Variants in TRPV3 observed in about 807,000 individuals in gnomAD.
TRPV3 encodes VRL-3.
A neutral mutation model predicts 87.1 loss-of-function variants in TRPV3; 88 were observed. The ratio of observed to expected loss-of-function variants is 1.01; its 90% CI spans 0.85 to 1.21. The LOEUF is 1.21. Among genes scored for constraint, TRPV3 ranks in the 50% most tolerant of loss-of-function variants. TRPV3 has a pLI of 0.00. For missense variants in TRPV3, 1,054 were observed against 1,030.1 expected (o/e 1.02, Z -0.32); for synonymous variants, 438 against 423.3 (o/e 1.03, Z -0.43).
rs919545246 is a variant in TRPV3 at position 3,556,718 on chromosome 17, G to A, written c.-3+958C>T. Among the ~76,000 whole-genome samples, 40 of 152,180 alleles carry A rather than the reference G, an allele frequency of 2.6e-4. No individual in the cohort carries two copies. Among genetic ancestry groups the A allele is most frequent in the African/African-American group, 5.1e-4 (21 of 41,444 alleles). Reference sequence around the variant, plus strand: ...CGAGGGAGAGCTTTGGCCCTGGAGCGTAGGCAACCTTGAGGCCAGGCAGGT... The same window carrying A: ...CGAGGGAGAGCTTTGGCCCTGGAGCATAGGCAACCTTGAGGCCAGGCAGGT... On this transcript the variant is annotated intron_variant, in intron 1 of 17. Coordinates refer to ENST00000576742, the MANE Select transcript of TRPV3 (RefSeq NM_145068.4). This position sits in a 1 kb window ranked among gnomAD's most constrained non-coding sequence, Gnocchi z 4.2.
At position 3,519,413 on chromosome 17, in the gene TRPV3, G is replaced by A. The variant is rs1419739600; in HGVS notation, c.1811-563C>T. Among the ~76,000 whole-genome samples, 361 of 139,914 alleles carry A rather than the reference G, an allele frequency of 2.6e-3. 6 individuals carry two copies. The highest frequency in any genetic ancestry group is 0.01 in the African/African-American group (341 of 33,892). 91.8% of individuals were successfully genotyped at this position (139,914 alleles called of 152,430 possible). The stretch of plus-strand genomic sequence containing the variant: ...AGATGGAGGGATGGATGGATGGATG[G>A]ATGGATGATTGGATGGATGGATGGA... On this transcript the variant is annotated intron_variant, in intron 14 of 17. Coordinates refer to ENST00000576742, the MANE Select transcript of TRPV3 (RefSeq NM_145068.4).
At position 3,514,680 on chromosome 17, in the gene TRPV3, T is replaced by C; in HGVS notation, c.2199-8A>G. 1 of 1,609,702 alleles carries C rather than the reference T, an allele frequency of 6.2e-7. No individual in the cohort carries two copies. Among genetic ancestry groups the C allele is most frequent in the Non-Finnish European group, 8.5e-7 (1 of 1,176,154 alleles). On this transcript the variant is annotated splice_region_variant and splice_polypyrimidine_tract_variant and intron_variant, in intron 16 of 17. Transcript: ENST00000576742. ...CACTTCACCTCATTGATCCTGCAAATGTGATAATCATTCTTACTATTTCAC... is the reference window on the plus strand; with the variant it reads ...CACTTCACCTCATTGATCCTGCAAACGTGATAATCATTCTTACTATTTCAC...
Position 3,525,552 on chromosome 17 carries a change from T to C in TRPV3, c.1578-1189A>G, listed in dbSNP as rs566563717. On this transcript the variant is annotated intron_variant, in intron 12 of 17. Coordinates refer to ENST00000576742, the MANE Select transcript of TRPV3 (RefSeq NM_145068.4). The stretch of plus-strand genomic sequence containing the variant: ...CCAACAACATGAATGTACTTCACAG[T>C]ATTGATTTCTACGCTTAAAAAATGG... Among the ~76,000 whole-genome samples the C allele has an allele frequency of 5.1e-4, 77 of 152,230 alleles. 1 individual carries two copies. The highest frequency in any genetic ancestry group is 8.2e-4 in the Non-Finnish European group (56 of 68,008).
At position 3,532,912 on chromosome 17, in the gene TRPV3, T is replaced by C; in HGVS notation, c.810A>G (p.Ala270=). The part of the protein sequence containing the change: ...YFGETPLALA[A]CTNQPEIVQL... Reference sequence around the variant, plus strand: ...GCACAATCTCGGGCTGGTTGGTGCATGCTGCCAGGGCCAGGGGCGTCTCAC... The same window carrying C: ...GCACAATCTCGGGCTGGTTGGTGCACGCTGCCAGGGCCAGGGGCGTCTCAC... Residue 270 remains alanine, a synonymous_variant, in exon 8 of 18, where the codon GCA becomes GCG. Transcript: ENST00000576742. The C allele has an allele frequency of 1.9e-6, 3 of 1,614,144 alleles. No homozygotes were observed. Among genetic ancestry groups the C allele is most frequent in the South Asian group, 2.2e-5 (2 of 91,078 alleles).
intron 6 of TRPV3, 94 bp from the exon 7 acceptor site, chr17:3,535,807 C>A (rs546307020): frequency 1.5e-6 from 2 of 1,337,256 alleles, no homozygotes; most frequent in East Asian, 3.0e-5. Flanking sequence ...CCCGAACCCA[C>A]GGGGAGATCA....
At chr17:3,547,971 T>A (rs922398276) in intron 2 of TRPV3, among the ~76,000 whole-genome samples, 1 of 152,208 alleles carries the variant, frequency 6.6e-6, no homozygotes, top group Admixed American at 6.5e-5. Flanking sequence ...AAGAGCCTTC[T>A]GGCTGACGAC....
intron 2 of TRPV3, among the ~76,000 whole-genome samples, chr17:3,545,605 C>T (rs1407748892): frequency 6.6e-6 from 1 of 151,876 alleles, no homozygotes; most frequent in Non-Finnish European, 1.5e-5. Context: ...GATCTGTGGC[C>T]CACACTTCCT....
rs1320487713 is a variant in TRPV3, at chr17:3,530,500, G to A, written c.1066-297C>T. Among the ~76,000 whole-genome samples the A allele has an allele frequency of 6.6e-6, 1 of 151,196 alleles. No individual in the cohort carries two copies. The highest frequency in any genetic ancestry group is 6.6e-5 in the Admixed American group (1 of 15,192). On this transcript the variant is annotated intron_variant, in intron 8 of 17. Transcript: ENST00000576742. This position sits in a 1 kb window ranked among gnomAD's most constrained non-coding sequence, Gnocchi z 4.0. ...AGCTTGAAATGCCTCACGCCAGCTG[G>A]GGACCCGGTTCGGTGAAAAATCCAG...
At chr17:3,543,695 G>T (rs1031182673) in intron 4 of TRPV3, 67 bp from the exon 5 acceptor site, 26 of 1,589,140 alleles carry the variant, frequency 1.6e-5, no homozygotes, top group Non-Finnish European at 1.5e-5. Flanking sequence ...CCTTTTCCCC[G>T]CCAGAGCTGC....
intron 15 of TRPV3, 111 bp from the exon 16 acceptor site, chr17:3,516,680 G>A (rs2074186351): frequency 2.6e-6 from 2 of 762,180 alleles, no homozygotes; most frequent in Non-Finnish European, 4.6e-6. Flanking sequence ...TTAATGCATA[G>A]ATCGCAAGGG....
chr17:3,540,092 T>TAAATAAATAAAC (rs1555545584), intron 6 of TRPV3, among the ~76,000 whole-genome samples: 1,748 of 150,812 alleles, frequency 0.012, 44 homozygotes, highest in African/African-American at 0.041. Flanking sequence ...AATAAATAAA[T>TAAATAAATAAAC]AAACAAAGTC....
intron 5 of TRPV3, among the ~76,000 whole-genome samples, chr17:3,543,001 C>T (rs1174935641): frequency 2.0e-5 from 3 of 152,026 alleles, no homozygotes; most frequent in Non-Finnish European, 4.4e-5. Context: ...CAGCCTGCCC[C>T]CTCCTCGTGG....
intron 13 of TRPV3, among the ~76,000 whole-genome samples, chr17:3,522,264 T>C (rs1255179265): frequency 6.6e-6 from 1 of 152,184 alleles, no homozygotes; most frequent in African/African-American, 2.4e-5. Context: ...TAACTCTATG[T>C]CCAGTAACAT....
In TRPV3 at chr17:3,535,625, G is replaced by T; in HGVS notation, c.732C>A (p.His244Gln). The change falls in exon 7 of 18, where the codon CAC (histidine) becomes CAA (glutamine). Residue 244 changes from histidine to glutamine, a missense_variant. Coordinates refer to ENST00000576742, the MANE Select transcript of TRPV3 (RefSeq NM_145068.4). ...TGGGGTTGAAGAAGGCCCCCTTGGC[G>T]TGCGCGTTGACGTCGGCGCCGGCGG... is the stretch of plus-strand genomic sequence containing the variant. The part of the protein sequence containing the change: ...LIAAGADVNA[H>Q]AKGAFFNPKY... 7 of 1,609,444 alleles carry T rather than the reference G, an allele frequency of 4.3e-6. No homozygotes were observed. The highest frequency in any genetic ancestry group is 5.9e-6 in the Non-Finnish European group (7 of 1,178,640).
intron 6 of TRPV3, chr17:3,539,720 G>A (rs1164455236): frequency 6.6e-6 from 1 of 151,942 alleles, no homozygotes; most frequent in Non-Finnish European, 1.5e-5. Flanking sequence ...TCTGATGATG[G>A]ATGTGTAGAG....
chr17:3,522,796 A>C (rs1432924945), intron 13 of TRPV3, among the ~76,000 whole-genome samples: 1 of 151,222 alleles, frequency 6.6e-6, no homozygotes, highest in Non-Finnish European at 1.5e-5. Flanking sequence ...CAGCCTGGGC[A>C]ACAGAGCGAG....
Position 3,514,012 on chromosome 17 carries a change from C to G in TRPV3, c.2279-1G>C. ...GAAGAATCTTGGATTTTGTTGAAAT[C>G]TGCTTTTTAAAAAAATATATATTTT... On this transcript the variant is annotated splice_acceptor_variant, in intron 17 of 17. Coordinates refer to ENST00000576742, the MANE Select transcript of TRPV3 (RefSeq NM_145068.4). LOFTEE classifies it high-confidence loss of function. 6.2e-7 allele frequency: 1 copy of G among 1,609,526 alleles called. No homozygotes were observed. The highest frequency in any genetic ancestry group is 8.5e-7 in the Non-Finnish European group (1 of 1,177,108).
rs986719005 is a variant in TRPV3, at chr17:3,557,406, G to A, written c.-3+270C>T. Among the ~76,000 whole-genome samples, 12 of 152,136 alleles carry A rather than the reference G, an allele frequency of 7.9e-5. No individual in the cohort carries two copies. Among genetic ancestry groups the A allele is most frequent in the African/African-American group, 2.9e-4 (12 of 41,414 alleles). On this transcript the variant is annotated intron_variant, in intron 1 of 17. Transcript: ENST00000576742. The surrounding 1 kb of genome is among the most constrained non-coding windows in gnomAD (Gnocchi z 4.5). ...CCCCCAGCAGTGGTGAGATTGAGAT[G>A]TCCCTCCCCAGGATTCCCAAACCTC...
At chr17:3,544,391 G>A (rs2074502371) in intron 4 of TRPV3, among the ~76,000 whole-genome samples, 188 bp downstream of exon 4, 1 of 152,140 alleles carries the variant, frequency 6.6e-6, no homozygotes, top group Non-Finnish European at 1.5e-5. Flanking sequence ...TAACAAATGG[G>A]TTTTATAGAA....
Sources: gnomAD v4.1 joint callset for allele counts (sites outside exome capture counted in the v4.1 genomes callset) on GRCh38, gnomAD v4.1.1 for gene constraint, Gnocchi (gnomAD v3.1) non-coding constraint, MANE v1.5 for transcripts, NCBI Gene and HGNC (gene_info 2026-07-23, HGNC 2026-07-21) for gene names.